Variants in PCDHA10 observed in about 807,000 individuals in gnomAD.
PCDHA10 encodes protocadherin alpha-10.
Under a neutral mutation model 61.2 loss-of-function variants are expected in PCDHA10, and 45 were observed. That is an observed-to-expected ratio of 0.74 (90% confidence interval 0.58 to 0.94). PCDHA10 has a LOEUF of 0.94. PCDHA10 is among the 40% of genes least tolerant of loss of function. The pLI is 0.00. For missense variants in PCDHA10, 1,278 were observed against 1,236.2 expected (o/e 1.03, Z -0.51); for synonymous variants, 602 against 548.8 (o/e 1.10, Z -1.35).
intron 2 of PCDHA10, among the ~76,000 whole-genome samples, chr5:140,981,892 G>A (rs1245605619): frequency 2.0e-5 from 3 of 152,122 alleles, no homozygotes; most frequent in Non-Finnish European, 2.9e-5. Flanking sequence ...TCTTCTGAGC[G>A]GGGATCTGTG....
chr5:140,928,622 G>C, intron 1 of PCDHA10: 1 of 1,614,226 alleles, frequency 6.2e-7, no homozygotes, highest in South Asian at 1.1e-5. Flanking sequence ...GCCAGGACTG[G>C]ACACTTGGTC....
chr5:140,993,293 A>G (rs1445204823), intron 3 of PCDHA10, among the ~76,000 whole-genome samples: 1 of 152,062 alleles, frequency 6.6e-6, no homozygotes, highest in African/African-American at 2.4e-5. Flanking sequence ...CAGGGTCACA[A>G]CCTTGCCTCC....
intron 3 of PCDHA10, among the ~76,000 whole-genome samples, chr5:141,000,411 A>T (rs2097918603): frequency 1.1e-5 from 1 of 94,870 alleles, no homozygotes; most frequent in African/African-American, 4.4e-5. Flanking sequence ...ATATATATAT[A>T]TATATATATA....
At chr5:140,941,210 T>C (rs199663607) in intron 1 of PCDHA10, among the ~76,000 whole-genome samples, 3,757 of 100,378 alleles carry the variant, frequency 0.037, 93 homozygotes, top group African/African-American at 0.096. Context: ...TTCCTTTCTT[T>C]CTTCCTTTCT....
At chr5:140,955,102 C>A (rs2095137498) in intron 1 of PCDHA10, among the ~76,000 whole-genome samples, 1 of 151,988 alleles carries the variant, frequency 6.6e-6, no homozygotes, top group Admixed American at 6.6e-5. Context: ...GGTGTTATTT[C>A]TGAGTTCTCT....
At chr5:140,955,684 G>A (rs1231376434) in intron 1 of PCDHA10, among the ~76,000 whole-genome samples, 2 of 152,156 alleles carry the variant, frequency 1.3e-5, no homozygotes, top group African/African-American at 4.8e-5. Flanking sequence ...TTCGAAATCT[G>A]TGATGAATGT....
At chr5:140,928,453 T>C in intron 1 of PCDHA10, 1 of 1,613,888 alleles carries the variant, frequency 6.2e-7, no homozygotes, top group Non-Finnish European at 8.5e-7. Context: ...GCTCAGGGGG[T>C]TTCATTTCCA....
intron 1 of PCDHA10, among the ~76,000 whole-genome samples, chr5:140,956,090 C>T (rs964801271): frequency 1.3e-5 from 2 of 152,162 alleles, no homozygotes; most frequent in Non-Finnish European, 2.9e-5. Flanking sequence ...ATGTCATCTG[C>T]AAACAAAGAT....
intron 1 of PCDHA10, chr5:140,870,533 C>T (rs1185177447): frequency 1.2e-6 from 2 of 1,614,050 alleles, no homozygotes; most frequent in East Asian, 2.2e-5. Flanking sequence ...TTCACAGTGT[C>T]GGCGCGGGAC....
Position 140,965,232 on chromosome 5 carries a change from G to T in PCDHA10, c.2389-13717G>T, listed in dbSNP as rs192008157. ...TCCTGTGGAAGAAATGTGAGAACCT[G>T]GGAAGAGTGAATATTCAGAACTGAG... On this transcript the variant is annotated intron_variant, in intron 1 of 3. Coordinates refer to ENST00000307360, the MANE Select transcript of PCDHA10 (RefSeq NM_018901.4). Among the ~76,000 whole-genome samples, 4 of 152,312 alleles carry T rather than the reference G, an allele frequency of 2.6e-5. No individual in the cohort carries two copies. In the East Asian group the frequency reaches 7.7e-4, roughly 29 times the overall value.
chr5:140,953,100 A>G (rs1343351624), intron 1 of PCDHA10, among the ~76,000 whole-genome samples: 1 of 152,162 alleles, frequency 6.6e-6, no homozygotes, highest in Admixed American at 6.5e-5. Flanking sequence ...TTGACATGAG[A>G]TTTGGGCAGG....
At chr5:140,983,739 G>A (rs983923811) in intron 3 of PCDHA10, among the ~76,000 whole-genome samples, 1 of 152,194 alleles carries the variant, frequency 6.6e-6, no homozygotes, top group African/African-American at 2.4e-5. Context: ...TGGCTGGCTT[G>A]CAATAATCCA....
intron 1 of PCDHA10, among the ~76,000 whole-genome samples, chr5:140,974,870 A>G (rs781837180): frequency 9.9e-5 from 15 of 152,182 alleles, no homozygotes; most frequent in African/African-American, 1.4e-4. Context: ...AATGCGGAAC[A>G]GTCTATGTAT....
intron 1 of PCDHA10, chr5:140,869,469 G>C (rs781981842): frequency 6.2e-6 from 10 of 1,614,092 alleles, no homozygotes; most frequent in Admixed American, 1.7e-5. Flanking sequence ...TGAACGTGGA[G>C]GTGAAGGACA....
intron 1 of PCDHA10, chr5:140,877,765 C>T (rs377126743): frequency 4.3e-6 from 7 of 1,614,176 alleles, no homozygotes; most frequent in Non-Finnish European, 5.1e-6. Context: ...AGAGAGCCCG[C>T]CCAAGACGGA....
In PCDHA10 at chr5:140,858,081, C is replaced by G. The variant is rs782778779; in HGVS notation, c.2033C>G (p.Ser678Trp). 1.0e-5 allele frequency: 16 copies of G among 1,597,646 alleles called. No individual in the cohort carries two copies. Among genetic ancestry groups the G allele is most frequent in the Admixed American group, 1.7e-5 (1 of 59,270 alleles). The change falls in exon 1 of 4, where the codon TCG becomes TGG. Residue 678 changes from serine to tryptophan, a missense_variant. Physicochemically the swap from Ser to Trp is radical, Grantham distance 177. Transcript: ENST00000307360. The stretch of plus-strand genomic sequence containing the variant: ...GAGGGCAGCCAGGCACCCAAGGCCT[C>G]GTCGCGGGCTTCAGTGGGCGTGGCG... ...LVEGSQAPKA[S>W]SRASVGVAPE...
intron 1 of PCDHA10, chr5:140,884,155 C>G: frequency 6.2e-7 from 1 of 1,613,430 alleles, no homozygotes; most frequent in Non-Finnish European, 8.5e-7. Context: ...TGTACACTGG[C>G]GAGATCAGCA....
intron 1 of PCDHA10, among the ~76,000 whole-genome samples, chr5:140,879,278 T>C (rs2057927174): frequency 6.6e-6 from 1 of 152,180 alleles, no homozygotes; most frequent in Non-Finnish European, 1.5e-5. Flanking sequence ...ACAGACTCAA[T>C]ACAAATGATA....
At chr5:140,882,989 G>C (rs567590369) in intron 1 of PCDHA10, 2 of 1,614,130 alleles carry the variant, frequency 1.2e-6, no homozygotes, top group Non-Finnish European at 8.5e-7. Context: ...CAACGCCCCG[G>C]AATTTTACCA....
Sources: allele counts gnomAD v4.1 joint callset (sites outside exome capture counted in the v4.1 genomes callset), GRCh38; gene constraint gnomAD v4.1.1; transcripts MANE v1.5; gene names NCBI Gene and HGNC (gene_info 2026-07-23, HGNC 2026-07-21).